Variants in COL18A1 observed in about 807,000 individuals in gnomAD.
COL18A1 encodes collagen alpha-1(XVIII) chain.
A neutral mutation model predicts 168.0 loss-of-function variants in COL18A1; 133 were observed. The ratio of observed to expected loss-of-function variants is 0.79; its 90% CI spans 0.69 to 0.91. COL18A1 has a LOEUF of 0.91. Ranked by LOEUF, COL18A1 falls within the 40% of genes least tolerant of loss-of-function variation. The pLI is 0.00. For missense variants in COL18A1, 2,126 were observed against 1,925.4 expected, an observed-to-expected ratio of 1.10 and a Z score of -1.95; for synonymous variants, 949 against 809.0, an observed-to-expected ratio of 1.17 and a Z score of -2.94.
chr21:45,408,766 C>G (rs901732273), intron 2 of COL18A1, among the ~76,000 whole-genome samples: 2 of 152,176 alleles, frequency 1.3e-5, no homozygotes, highest in Admixed American at 1.3e-4. Flanking sequence ...TGCTTCTGCT[C>G]AGGAAGGAGA....
At chr21:45,431,302 C>T (rs2033951646) in intron 2 of COL18A1, among the ~76,000 whole-genome samples, 1 of 152,066 alleles carries the variant, frequency 6.6e-6, no homozygotes, top group Non-Finnish European at 1.5e-5. Context: ...CTGCTGTGTG[C>T]AGGGCCAGTG....
intron 38 of COL18A1, among the ~76,000 whole-genome samples, chr21:45,508,077 T>G (rs140161591): frequency 6.8e-6 from 1 of 147,104 alleles, no homozygotes; most frequent in Admixed American, 6.7e-5. Context: ...GAGTAGATGG[T>G]GGACAGGTGG....
intron 36 of COL18A1, 26 bp from the exon 37 acceptor site, chr21:45,505,812 C>T (rs960684824): frequency 5.0e-6 from 8 of 1,588,376 alleles, no homozygotes; most frequent in South Asian, 1.1e-5. Flanking sequence ...CGCCAAGCCC[C>T]ACACCTCTGC....
In COL18A1 at chr21:45,481,998, A is replaced by G. The variant is rs2035915511; in HGVS notation, c.1647A>G (p.Pro549=). 6 of 1,613,732 alleles carry G rather than the reference A, an allele frequency of 3.7e-6. No homozygotes were observed. The highest frequency in any genetic ancestry group is 3.4e-6 in the Non-Finnish European group (4 of 1,179,714). Residue 549 remains proline, a synonymous_variant, in exon 14 of 42, where the codon CCA becomes CCG. Coordinates refer to ENST00000651438, the MANE Select transcript of COL18A1 (RefSeq NM_001379500.1). ...GCCCTCCGGGAAGAGAGGGGCCCCC[A>G]GGAAGGACTGGGCAGAAAGGCAGCC... ...PPGPPGREGP[P]GRTGQKGSLG...
chr21:45,459,922 T>C (rs1034771502), intron 2 of COL18A1, among the ~76,000 whole-genome samples: 1 of 152,076 alleles, frequency 6.6e-6, no homozygotes, highest in Non-Finnish European at 1.5e-5. Context: ...TGCCTGGCCC[T>C]CTGGACTTTG....
intron 39 of COL18A1, 148 bp downstream of exon 39, chr21:45,509,749 T>G: frequency 1.4e-6 from 1 of 700,944 alleles, no homozygotes; most frequent in Non-Finnish European, 2.6e-6. Context: ...CAGGGCGGCT[T>G]GGCTGGCCCT....
chr21:45,415,737 AG>A, intron 2 of COL18A1, among the ~76,000 whole-genome samples: 1 of 152,326 alleles, frequency 6.6e-6, no homozygotes, highest in Non-Finnish European at 1.5e-5. Context: ...AATGAGGCAA[AG>A]GCGCAGAAGC....
intron 4 of COL18A1, 32 bp from the exon 5 acceptor site, chr21:45,475,444 C>G (rs1223072727): frequency 1.3e-6 from 2 of 1,567,738 alleles, no homozygotes; most frequent in Non-Finnish European, 1.7e-6. Flanking sequence ...TGGCTGCCAT[C>G]TCTCCAGCCT....
Position 45,502,078 on chromosome 21 carries a change from C to T in COL18A1, c.2684-1933C>T, listed in dbSNP as rs184516274. On this transcript the variant is annotated intron_variant, in intron 32 of 41. Coordinates refer to ENST00000651438, the MANE Select transcript of COL18A1 (RefSeq NM_001379500.1). ...GTCACCTCCCTCTGCCGAAGGACCCCCAGGGGCTCCACAGCCGGTCACCTC... is the reference window on the plus strand; with the variant it reads ...GTCACCTCCCTCTGCCGAAGGACCCTCAGGGGCTCCACAGCCGGTCACCTC... Among the ~76,000 whole-genome samples, 16 of 89,738 alleles carry T rather than the reference C, an allele frequency of 1.8e-4. 1 individual carries two copies. Among genetic ancestry groups the T allele is most frequent in the East Asian group, 1.2e-3 (4 of 3,352 alleles). The allele number at this position is 89,738 out of a possible 152,430, so 58.9% of individuals were successfully genotyped here.
intron 38 of COL18A1, among the ~76,000 whole-genome samples, chr21:45,508,487 G>C (rs930578073): frequency 1.3e-5 from 2 of 150,274 alleles, no homozygotes; most frequent in African/African-American, 2.5e-5. Context: ...GAGTGGATGG[G>C]TGGGTGGATG....
At chr21:45,450,322 C>T (rs1205984322) in intron 2 of COL18A1, among the ~76,000 whole-genome samples, 2 of 152,166 alleles carry the variant, frequency 1.3e-5, no homozygotes, top group African/African-American at 2.4e-5. Context: ...TCATCCCTGT[C>T]ATCCTCCCCC....
chr21:45,496,944 G>T, intron 30 of COL18A1, 106 bp from the exon 31 acceptor site: 1 of 773,884 alleles, frequency 1.3e-6, no homozygotes. Flanking sequence ...GCTGCTATGT[G>T]GCCTCATACA....
At position 45,495,445 on chromosome 21, in the gene COL18A1, C is replaced by A. The variant is rs757741271; in HGVS notation, c.2508+13C>A. 1.3e-6 allele frequency: 2 copies of A among 1,598,220 alleles called. No homozygotes were observed. Among genetic ancestry groups the A allele is most frequent in the Admixed American group, 1.7e-5 (1 of 58,336 alleles). On this transcript the variant is annotated intron_variant, in intron 29 of 41. Coordinates refer to ENST00000651438, the MANE Select transcript of COL18A1 (RefSeq NM_001379500.1). ...ATTTGGCATGAGGGTGAGTGTCTCT[C>A]AAGGGGCGGACTGGGTGGCTGGGAG...
chr21:45,416,384 C>T (rs965317578), intron 2 of COL18A1, among the ~76,000 whole-genome samples: 2 of 151,046 alleles, frequency 1.3e-5, no homozygotes, highest in Non-Finnish European at 3.0e-5. Context: ...AGTCTCCCCA[C>T]GCCTGGTGTC....
At chr21:45,413,150 C>T (rs1487688358) in intron 2 of COL18A1, among the ~76,000 whole-genome samples, 8 of 152,226 alleles carry the variant, frequency 5.3e-5, no homozygotes, top group Non-Finnish European at 1.5e-5. Context: ...AGGGCTCCAT[C>T]CCCACCCTTA....
chr21:45,492,156 C>G (rs186730004), intron 22 of COL18A1, among the ~76,000 whole-genome samples: 3 of 152,196 alleles, frequency 2.0e-5, no homozygotes, highest in African/African-American at 7.2e-5. Context: ...GGCAGACAGG[C>G]ATCGGGAGGC....
At chr21:45,417,981 G>A (rs1358671414) in intron 2 of COL18A1, among the ~76,000 whole-genome samples, 1 of 152,252 alleles carries the variant, frequency 6.6e-6, no homozygotes, top group Non-Finnish European at 1.5e-5. Context: ...CCTGGGAGGT[G>A]GCCTTGGCAT....
intron 2 of COL18A1, among the ~76,000 whole-genome samples, chr21:45,437,396 A>G (rs1303558515): frequency 6.3e-5 from 6 of 95,580 alleles, no homozygotes; most frequent in African/African-American, 2.0e-4. Context: ...ACTCTCCTGC[A>G]CACACACACT....
chr21:45,488,578 T>A, intron 18 of COL18A1, 134 bp downstream of exon 18: 2 of 1,323,698 alleles, frequency 1.5e-6, no homozygotes, highest in Non-Finnish European at 2.1e-6. Context: ...CTGGGAAGTT[T>A]GCAAAATACA....
Sources: gnomAD v4.1 joint callset for allele counts (sites outside exome capture counted in the v4.1 genomes callset) on GRCh38, gnomAD v4.1.1 for gene constraint, MANE v1.5 for transcripts, NCBI Gene and HGNC (gene_info 2026-07-23, HGNC 2026-07-21) for gene names.